LRP1B: variants seen among roughly 807,000 people sequenced by gnomAD.
LRP1B encodes LDL receptor related protein 1B, also known as low-density lipoprotein receptor-related protein 1B.
In LRP1B, 217 loss-of-function variants were observed where a neutral mutation model predicts 556.6. The observed-to-expected ratio is 0.39, with a 90% CI of 0.35 to 0.44. LRP1B has a LOEUF of 0.44. Among genes scored for constraint, LRP1B ranks in the 20% least tolerant of loss-of-function variants. The pLI is 1.00. For missense variants in LRP1B, 5,053 were observed against 5,620.8 expected (o/e 0.90, Z 3.23); for synonymous variants, 2,047 against 1,865.8 (o/e 1.10, Z -2.50).
At position 140,886,839 on chromosome 2, in the gene LRP1B, A is replaced by T. The variant is rs367616862; in HGVS notation, c.3767-504T>A. 7.9e-5 allele frequency among the ~76,000 whole-genome samples: 12 copies of T among 152,276 alleles called. 1 individual carries two copies. The East Asian group carries it at 2.1e-3, about 27-fold the overall frequency. On this transcript the variant is annotated intron_variant, in intron 23 of 90. Coordinates refer to ENST00000389484, the MANE Select transcript of LRP1B (RefSeq NM_018557.3). ...GGGAGTGCTTCCATTAAGAGACAAG[A>T]TGGCGGCTTCCTGCAGAGTCCAAAA... is the stretch of plus-strand genomic sequence containing the variant.
At position 140,385,974 on chromosome 2, in the gene LRP1B, T is replaced by C; in HGVS notation, c.10450A>G (p.Lys3484Glu). ...KTCGPHEFQCKNNNCIPDHWR... is the reference protein window; with the variant it reads ...KTCGPHEFQCENNNCIPDHWR... ...TGATCGGGAATACAGTTGTTGTTTT[T>C]ACACTGGAATTCATGAGGTCCACAA... Residue 3484 changes from lysine (K) to glutamate (E), a missense_variant, in exon 67 of 91, where the codon AAA (lysine) becomes GAA (glutamate). Lys to Glu is a moderately conservative substitution (Grantham distance 56). Around this residue, in one of 5 missense-constraint regions of LRP1B, gnomAD observed 262 missense variants for 395.1 expected, o/e 0.66. Transcript: ENST00000389484. The C allele has an allele frequency of 6.2e-7, 1 of 1,613,402 alleles. No homozygotes were observed. Among genetic ancestry groups the C allele is most frequent in the Non-Finnish European group, 8.5e-7 (1 of 1,179,420 alleles).
At chr2:140,961,095 T>A (rs1337045696) in intron 18 of LRP1B, among the ~76,000 whole-genome samples, 4 of 151,954 alleles carry the variant, frequency 2.6e-5, no homozygotes, top group African/African-American at 9.7e-5. Context: ...ATGAGATAGA[T>A]TTTATGTTTG....
At chr2:140,461,260 T>A (rs1687306572) in intron 60 of LRP1B, among the ~76,000 whole-genome samples, 2 of 152,142 alleles carry the variant, frequency 1.3e-5, no homozygotes, top group South Asian at 4.1e-4. Flanking sequence ...TTTGTTTTTC[T>A]GACTAATCTA....
chr2:140,861,132 C>T (rs1012233999), intron 27 of LRP1B, among the ~76,000 whole-genome samples: 2 of 152,068 alleles, frequency 1.3e-5, no homozygotes, highest in Non-Finnish European at 2.9e-5. Context: ...TGTGGCCGGG[C>T]GCAGTGGCTC....
intron 1 of LRP1B, among the ~76,000 whole-genome samples, chr2:141,888,936 G>T (rs570091630): frequency 1.8e-4 from 27 of 152,246 alleles, no homozygotes; most frequent in Admixed American, 5.2e-4. Context: ...GAGCTGGGGA[G>T]AACTTAAGCA....
At chr2:140,483,149 C>A (rs1418542350) in intron 59 of LRP1B, among the ~76,000 whole-genome samples, 1 of 152,086 alleles carries the variant, frequency 6.6e-6, no homozygotes, top group Non-Finnish European at 1.5e-5. Context: ...AGAGATCCAA[C>A]TTTTACCTTT....
At chr2:141,557,368 G>T (rs1685997902) in intron 2 of LRP1B, among the ~76,000 whole-genome samples, 2 of 151,832 alleles carry the variant, frequency 1.3e-5, no homozygotes, top group Admixed American at 6.6e-5. Context: ...TTTCAGTGTG[G>T]CATGGATTAC....
At chr2:140,353,372 T>C (rs890753306) in intron 75 of LRP1B, among the ~76,000 whole-genome samples, 2 of 152,096 alleles carry the variant, frequency 1.3e-5, no homozygotes, top group Admixed American at 6.6e-5. Flanking sequence ...ACTTATTTAT[T>C]TTTTTACCTT....
chr2:140,524,274 A>G (rs554699804), intron 49 of LRP1B, among the ~76,000 whole-genome samples: 2 of 152,042 alleles, frequency 1.3e-5, no homozygotes, highest in South Asian at 4.1e-4. Context: ...ACCACGAGGT[A>G]CCATCTCATA....
intron 3 of LRP1B, among the ~76,000 whole-genome samples, chr2:141,400,184 C>T (rs1690399100): frequency 1.3e-5 from 2 of 152,066 alleles, no homozygotes; most frequent in Admixed American, 1.3e-4. Flanking sequence ...CTATGTTGTT[C>T]ATCAAGCTGG....
At chr2:140,378,803 G>C (rs1015335615) in intron 67 of LRP1B, among the ~76,000 whole-genome samples, 5 of 152,106 alleles carry the variant, frequency 3.3e-5, no homozygotes, top group African/African-American at 1.2e-4. Flanking sequence ...CCTGGAACAA[G>C]AACAGTATAT....
chr2:140,624,382 G>A (rs1283744458), intron 41 of LRP1B, among the ~76,000 whole-genome samples: 2 of 152,066 alleles, frequency 1.3e-5, no homozygotes, highest in South Asian at 2.1e-4. Flanking sequence ...CCACTCACCA[G>A]TTTACCATGC....
chr2:140,668,866 C>A (rs6728811), intron 41 of LRP1B, among the ~76,000 whole-genome samples: 2,753 of 152,228 alleles, frequency 0.018, 85 homozygotes, highest in African/African-American at 0.062. Flanking sequence ...CAGATAAGTT[C>A]TCTCACAAGA....
At chr2:141,358,125 G>C (rs1688690185) in intron 3 of LRP1B, among the ~76,000 whole-genome samples, 1 of 152,166 alleles carries the variant, frequency 6.6e-6, no homozygotes, top group Non-Finnish European at 1.5e-5. Context: ...TGAATATTAA[G>C]TTAGAGAAAT....
intron 7 of LRP1B, among the ~76,000 whole-genome samples, chr2:141,151,222 TTC>T (rs1701916180): frequency 6.6e-6 from 1 of 152,136 alleles, no homozygotes; most frequent in Non-Finnish European, 1.5e-5. Context: ...GAGATGGATG[TTC>T]TGTTTCAATG....
At chr2:141,208,794 G>GGGA (rs1682402228) in intron 6 of LRP1B, among the ~76,000 whole-genome samples, 1 of 147,434 alleles carries the variant, frequency 6.8e-6, no homozygotes, top group Admixed American at 7.0e-5. Flanking sequence ...GCGTGAACCT[G>GGGA]GGAGGCGGAG....
intron 7 of LRP1B, among the ~76,000 whole-genome samples, chr2:141,117,264 A>G (rs2104985570): frequency 6.6e-6 from 1 of 151,506 alleles, no homozygotes; most frequent in Non-Finnish European, 1.5e-5. Flanking sequence ...TAACAATTCA[A>G]AAGAATCATT....
intron 3 of LRP1B, among the ~76,000 whole-genome samples, chr2:141,271,062 C>T (rs1450532324): frequency 6.6e-6 from 1 of 151,744 alleles, no homozygotes. Flanking sequence ...ATAGAAATTA[C>T]TAAAATGAAC....
chr2:141,889,495 T>C (rs1699217121), intron 1 of LRP1B, among the ~76,000 whole-genome samples: 2 of 152,182 alleles, frequency 1.3e-5, no homozygotes, highest in Admixed American at 1.3e-4. Context: ...ACAGCTCTTC[T>C]AATTTTAAGT....
Sources: gnomAD v4.1 joint callset for allele counts (sites outside exome capture counted in the v4.1 genomes callset) on GRCh38, gnomAD v4.1.1 for gene constraint, gnomAD v4.1.1 regional missense constraint, MANE v1.5 for transcripts, NCBI Gene and HGNC (gene_info 2026-07-23, HGNC 2026-07-21) for gene names.